HIBADH: variants seen among roughly 807,000 people sequenced by gnomAD.
The protein encoded by HIBADH is 3-hydroxyisobutyrate dehydrogenase, mitochondrial.
Under a neutral mutation model 36.1 loss-of-function variants are expected in HIBADH, and 25 were observed. The ratio of observed to expected loss-of-function variants is 0.69; its 90% CI spans 0.50 to 0.97. HIBADH has a LOEUF of 0.97. Among genes scored for constraint, HIBADH ranks in the 50% least tolerant of loss-of-function variants. The pLI is 0.00. For missense variants in HIBADH, 421 were observed against 418.0 expected (o/e 1.01, Z -0.06); for synonymous variants, 160 against 149.5 (o/e 1.07, Z -0.51).
intron 6 of HIBADH, 92 bp from the exon 7 acceptor site, chr7:27,531,440 T>C (rs1198012301): frequency 3.6e-6 from 4 of 1,109,458 alleles, no homozygotes; most frequent in Admixed American, 2.8e-5. Context: ...ATCTTCTCTC[T>C]CCATTTATTA....
chr7:27,552,028 G>T (rs1176619933), intron 4 of HIBADH, among the ~76,000 whole-genome samples: 1 of 152,182 alleles, frequency 6.6e-6, no homozygotes. Context: ...GGCGACAGCT[G>T]GGACAGAAAG....
Position 27,531,911 on chromosome 7 carries a change from C to A in HIBADH, c.696-563G>T, listed in dbSNP as rs1562611661. ...TAAGAAAAGTTATTATAAAAGAAGACTTTTTGCTGCAAACTTTTCCTTATT... is the reference window on the plus strand; with the variant it reads ...TAAGAAAAGTTATTATAAAAGAAGAATTTTTGCTGCAAACTTTTCCTTATT... On this transcript the variant is annotated intron_variant, in intron 6 of 7. Coordinates refer to ENST00000265395, the MANE Select transcript of HIBADH (RefSeq NM_152740.4). Among the ~76,000 whole-genome samples, 7 of 152,104 alleles carry A rather than the reference C, an allele frequency of 4.6e-5. No homozygotes were observed. The South Asian group carries it at 1.5e-3, about 32-fold the overall frequency.
At chr7:27,541,391 T>G (rs1374702933) in intron 5 of HIBADH, among the ~76,000 whole-genome samples, 1 of 152,200 alleles carries the variant, frequency 6.6e-6, no homozygotes, top group Non-Finnish European at 1.5e-5. Context: ...TAAGTTGTCA[T>G]ATTTTTCTTG....
intron 4 of HIBADH, among the ~76,000 whole-genome samples, chr7:27,578,887 T>C (rs1383136035): frequency 6.6e-6 from 1 of 152,118 alleles, no homozygotes; most frequent in East Asian, 1.9e-4. Flanking sequence ...TCAGACTCTA[T>C]ATGGTAACCA....
chr7:27,622,289 T>A (rs1321086879), intron 4 of HIBADH, among the ~76,000 whole-genome samples: 3 of 152,018 alleles, frequency 2.0e-5, no homozygotes, highest in Non-Finnish European at 2.9e-5. Context: ...ATTAAAAAAA[T>A]TTATTGGAAC....
At chr7:27,586,220 C>G (rs952993609) in intron 4 of HIBADH, among the ~76,000 whole-genome samples, 5 of 152,200 alleles carry the variant, frequency 3.3e-5, no homozygotes, top group Non-Finnish European at 7.3e-5. Context: ...AAGGAACATT[C>G]TTTCCATTCC....
intron 4 of HIBADH, among the ~76,000 whole-genome samples, chr7:27,618,358 G>C (rs1046105692): frequency 5.3e-5 from 8 of 152,160 alleles, no homozygotes; most frequent in Non-Finnish European, 1.0e-4. Flanking sequence ...ATAGACGGCA[G>C]AAAAGCCTGG....
chr7:27,633,873 C>T (rs952346080), intron 2 of HIBADH, among the ~76,000 whole-genome samples: 1 of 152,080 alleles, frequency 6.6e-6, no homozygotes, highest in Non-Finnish European at 1.5e-5. Flanking sequence ...TGTGAAGGGA[C>T]ATGTAAGCAT....
At chr7:27,662,007 T>C (rs2128298613) in intron 1 of HIBADH, among the ~76,000 whole-genome samples, 1 of 152,308 alleles carries the variant, frequency 6.6e-6, no homozygotes, top group African/African-American at 2.4e-5. Context: ...ATGGCTAGCT[T>C]CCACAATTTA....
intron 1 of HIBADH, among the ~76,000 whole-genome samples, chr7:27,658,064 A>G (rs1047751308): frequency 2.0e-5 from 3 of 152,034 alleles, no homozygotes; most frequent in African/African-American, 7.3e-5. Flanking sequence ...AAAAGTATAG[A>G]TGACTGTAGG....
At chr7:27,626,701 A>G (rs1397591334) in intron 4 of HIBADH, among the ~76,000 whole-genome samples, 1 of 152,216 alleles carries the variant, frequency 6.6e-6, no homozygotes, top group Non-Finnish European at 1.5e-5. Context: ...AGTTTTTTAA[A>G]AAAACTTCTC....
chr7:27,563,081 C>T (rs1784491440), intron 4 of HIBADH, among the ~76,000 whole-genome samples: 1 of 152,158 alleles, frequency 6.6e-6, no homozygotes, highest in Non-Finnish European at 1.5e-5. Flanking sequence ...ACCCTCTTGC[C>T]TTCTCCAACT....
intron 4 of HIBADH, among the ~76,000 whole-genome samples, chr7:27,625,248 C>A (rs955657739): frequency 6.6e-6 from 1 of 152,118 alleles, no homozygotes; most frequent in Admixed American, 6.5e-5. Context: ...TACAAAGGTT[C>A]GTTCTGCTCA....
At chr7:27,613,527 A>T (rs1785370597) in intron 4 of HIBADH, among the ~76,000 whole-genome samples, 1 of 151,996 alleles carries the variant, frequency 6.6e-6, no homozygotes, top group Non-Finnish European at 1.5e-5. Context: ...TGTTGCTGGG[A>T]AGAAATTTTA....
At chr7:27,660,111 T>C (rs1027242461) in intron 1 of HIBADH, among the ~76,000 whole-genome samples, 4 of 152,174 alleles carry the variant, frequency 2.6e-5, no homozygotes. Flanking sequence ...AACTTTCAGG[T>C]TTCATTTTTT....
intron 4 of HIBADH, among the ~76,000 whole-genome samples, chr7:27,586,237 T>G (rs1784859951): frequency 6.6e-6 from 1 of 152,196 alleles, no homozygotes; most frequent in African/African-American, 2.4e-5. Flanking sequence ...TTCCAACTGA[T>G]AGTCTACATG....
At chr7:27,546,405 A>C (rs1015674386) in intron 4 of HIBADH, among the ~76,000 whole-genome samples, 1 of 152,110 alleles carries the variant, frequency 6.6e-6, no homozygotes, top group African/African-American at 2.4e-5. Context: ...AGGTATGAGC[A>C]CCGTGACCAG....
intron 6 of HIBADH, 111 bp from the exon 7 acceptor site, chr7:27,531,459 C>A: frequency 2.1e-6 from 2 of 966,538 alleles, no homozygotes; most frequent in Non-Finnish European, 2.9e-6. Context: ...TATATGTCTT[C>A]TAAAATCTAA....
chr7:27,593,139 T>A (rs1784970799), intron 4 of HIBADH, among the ~76,000 whole-genome samples: 2 of 152,172 alleles, frequency 1.3e-5, no homozygotes, highest in Non-Finnish European at 2.9e-5. Context: ...ATATGATTAA[T>A]ACAGGTTGAA....
Sources: allele counts gnomAD v4.1 joint callset (sites outside exome capture counted in the v4.1 genomes callset), GRCh38; gene constraint gnomAD v4.1.1; transcripts MANE v1.5; gene names NCBI Gene and HGNC (gene_info 2026-07-23, HGNC 2026-07-21).